Variants in SPTB observed in about 807,000 individuals in gnomAD.
SPTB encodes the protein spectrin beta, erythrocytic, also known as spectrin beta chain, erythrocytic.
A neutral mutation model predicts 256.2 loss-of-function variants in SPTB; 45 were observed. The ratio of observed to expected loss-of-function variants is 0.18; its 90% CI spans 0.14 to 0.23. SPTB has a LOEUF of 0.23. Among genes scored for constraint, SPTB ranks in the 10% least tolerant of loss-of-function variants. The pLI, the probability that SPTB is intolerant of heterozygous loss-of-function variation, is 1.00. For missense variants in SPTB, 2,715 were observed against 3,040.4 expected (o/e 0.89, Z 2.52); for synonymous variants, 1,231 against 1,243.1 (o/e 0.99, Z 0.21).
rs542152652 is a variant in SPTB, at chr14:64,772,466, G to A, written c.5553+114C>T. On this transcript the variant is annotated intron_variant, in intron 26 of 35. Transcript: ENST00000644917. The surrounding 1 kb of genome is among the most constrained non-coding windows in gnomAD (Gnocchi z 5.4). Reference sequence around the variant, plus strand: ...CCCTGAGCTCCTGGCTGTCTAAGGAGGCAAAACCTCCTGGCACTTATCCTA... The same window carrying A: ...CCCTGAGCTCCTGGCTGTCTAAGGAAGCAAAACCTCCTGGCACTTATCCTA... 10 of 1,446,606 alleles carry A rather than the reference G, an allele frequency of 6.9e-6. No homozygotes were observed. The South Asian group carries it at 1.0e-4, about 15-fold the overall frequency. The allele number at this position is 1,446,606 out of a possible 1,614,324, so 89.6% of individuals were successfully genotyped here.
chr14:64,879,476 C>T (rs1034794574), intron 1 of SPTB, among the ~76,000 whole-genome samples: 1 of 152,226 alleles, frequency 6.6e-6, no homozygotes, highest in African/African-American at 2.4e-5. Flanking sequence ...AACACGCACC[C>T]CCGTCACCCT....
intron 1 of SPTB, among the ~76,000 whole-genome samples, chr14:64,876,635 T>C (rs1426274417): frequency 6.6e-6 from 1 of 152,204 alleles, no homozygotes; most frequent in African/African-American, 2.4e-5. Context: ...TGTATAACTA[T>C]TGTTTTAAAA....
In SPTB at chr14:64,845,089, A is replaced by C. The variant is rs2083668178; in HGVS notation, c.-51-21944T>G. On this transcript the variant is annotated intron_variant, in intron 1 of 35. Transcript: ENST00000644917. This position sits in a 1 kb window ranked among gnomAD's most constrained non-coding sequence, Gnocchi z 4.8. The stretch of plus-strand genomic sequence containing the variant: ...GAAAGATCCAAAGTAATCCATAACC[A>C]AACCAGGCTAGACCGGCTATACAGA... 6.6e-6 allele frequency among the ~76,000 whole-genome samples: 1 copy of C among 152,226 alleles called. No individual in the cohort carries two copies. The highest frequency in any genetic ancestry group is 2.4e-5 in the African/African-American group (1 of 41,454).
Position 64,779,197 on chromosome 14 carries a change from G to C in SPTB, c.4523C>G (p.Thr1508Ser). The change falls in exon 22 of 36, where the codon ACT becomes AGT. Residue 1508 changes from threonine to serine, a missense_variant. This residue lies in a region of SPTB where 2,239 missense variants were observed against 2,384.4 expected (regional missense o/e 0.94). Transcript: ENST00000644917. The surrounding 1 kb of genome is among the most constrained non-coding windows in gnomAD (Gnocchi z 4.2). ...LPLAQSADYG[T>S]NLQTVQLFMK... is the part of the protein sequence containing the mutation. ...GAACAGTTGCACAGTTTGCAGATTAGTGCCATAGTCGGCTGACTGGGCCAG... is the reference window on the plus strand; with the variant it reads ...GAACAGTTGCACAGTTTGCAGATTACTGCCATAGTCGGCTGACTGGGCCAG... 1 of 1,614,072 alleles carries C rather than the reference G, an allele frequency of 6.2e-7. No individual in the cohort carries two copies. Among genetic ancestry groups the C allele is most frequent in the Non-Finnish European group, 8.5e-7 (1 of 1,179,988 alleles).
Position 64,823,554 on chromosome 14 carries a change from T to C in SPTB, c.-51-409A>G, listed in dbSNP as rs1263740656. On this transcript the variant is annotated intron_variant, in intron 1 of 35. Coordinates refer to ENST00000644917, the MANE Select transcript of SPTB (RefSeq NM_001355436.2). This position sits in a 1 kb window ranked among gnomAD's most constrained non-coding sequence, Gnocchi z 6.5. ...TCACCCTGAGGACTAGGCCAGGACCTAACCTGGTGGGGGAGATGGGGACAG... is the reference window on the plus strand; with the variant it reads ...TCACCCTGAGGACTAGGCCAGGACCCAACCTGGTGGGGGAGATGGGGACAG... Among the ~76,000 whole-genome samples, 1 of 152,066 alleles carries C rather than the reference T, an allele frequency of 6.6e-6. No homozygotes were observed. Among genetic ancestry groups the C allele is most frequent in the African/African-American group, 2.4e-5 (1 of 41,414 alleles).
chr14:64,771,032 G>A lies in SPTB; in HGVS notation c.5651C>T (p.Ala1884Val), dbSNP rs148337824. 2,971 of 1,614,154 alleles carry A rather than the reference G, an allele frequency of 1.8e-3. 6 individuals are homozygous for A. The highest frequency in any genetic ancestry group is 2.8e-3 in the South Asian group (251 of 91,090). The change falls in exon 27 of 36, where the codon GCG (alanine) becomes GTG (valine). Residue 1884 changes from alanine to valine, a missense_variant. By Grantham distance (64) the Ala-to-Val change is moderately conservative. Around this residue, in one of 4 missense-constraint regions of SPTB, gnomAD observed 2,239 missense variants for 2,384.4 expected, o/e 0.94. Transcript: ENST00000644917. ...IQNKEQEVSA[A>V]WQALLDACAG... ...ACAGGCATCGAGCAGCGCCTGCCAC[G>A]CGGCAGACACCTCCTGCTCCTTGTT...
At chr14:64,814,640 C>T (rs897601726) in intron 2 of SPTB, among the ~76,000 whole-genome samples, 6 of 152,114 alleles carry the variant, frequency 3.9e-5, no homozygotes, top group South Asian at 4.1e-4. Flanking sequence ...CTCAGCCTCC[C>T]GAGTAGCTGG....
At chr14:64,837,878 C>A (rs939491435) in intron 1 of SPTB, among the ~76,000 whole-genome samples, 1 of 152,198 alleles carries the variant, frequency 6.6e-6, no homozygotes, top group Non-Finnish European at 1.5e-5. Context: ...TCCCAAAGTG[C>A]TGGGATTACA....
chr14:64,766,842 C>T, intron 31 of SPTB, 41 bp from the exon 32 acceptor site: 2 of 1,605,070 alleles, frequency 1.2e-6, no homozygotes, highest in Non-Finnish European at 1.7e-6. Context: ...AAGCACCCCT[C>T]TGAGGCCAGT....
At chr14:64,801,527 G>A in intron 6 of SPTB, 127 bp from the exon 7 acceptor site, 1 of 825,496 alleles carries the variant, frequency 1.2e-6, no homozygotes, top group Non-Finnish European at 2.1e-6. Flanking sequence ...GAAAGGAGGA[G>A]ATGGGAGCAG....
At chr14:64,813,574 T>C (rs553888237) in intron 2 of SPTB, among the ~76,000 whole-genome samples, 40 of 152,300 alleles carry the variant, frequency 2.6e-4, no homozygotes, top group African/African-American at 8.9e-4. Flanking sequence ...CAGACCGGAG[T>C]GCAGTGGTGC....
In SPTB at chr14:64,779,319, G is replaced by T; in HGVS notation, c.4474-73C>A. The T allele has an allele frequency of 1.5e-6, 2 of 1,298,450 alleles. No individual in the cohort carries two copies. The highest frequency in any genetic ancestry group is 1.2e-5 in the South Asian group (1 of 80,092). The allele number at this position is 1,298,450 out of a possible 1,614,324, so 80.4% of individuals were successfully genotyped here. On this transcript the variant is annotated intron_variant, in intron 21 of 35. Transcript: ENST00000644917. The surrounding 1 kb of genome is among the most constrained non-coding windows in gnomAD (Gnocchi z 4.2). Reference sequence around the variant, plus strand: ...CCTTTCCTGAGTGCTCACCATGGGCGGCGCAGAGCTTTGCTGGCAGTGTCT... The same window carrying T: ...CCTTTCCTGAGTGCTCACCATGGGCTGCGCAGAGCTTTGCTGGCAGTGTCT...
At chr14:64,868,589 G>A (rs1882334601) in intron 1 of SPTB, among the ~76,000 whole-genome samples, 1 of 152,140 alleles carries the variant, frequency 6.6e-6, no homozygotes, top group African/African-American at 2.4e-5. Context: ...ACAAGTAAAA[G>A]CTGGCAGAGA....
At chr14:64,822,799 C>G (rs1424492033) in intron 2 of SPTB, 148 bp downstream of exon 2, 1 of 1,254,712 alleles carries the variant, frequency 8.0e-7, no homozygotes, top group African/African-American at 1.5e-5. Flanking sequence ...CAAGGGGACC[C>G]CCACCTCCCT....
rs575245215 is a variant in SPTB, at chr14:64,801,424, A to T, written c.648-24T>A. ...GCCTGGGGACAAAACTGGACTGTGA[A>T]AAGGGAGTAGCCACAGCATCCCCAC... On this transcript the variant is annotated intron_variant, in intron 6 of 35. Coordinates refer to ENST00000644917, the MANE Select transcript of SPTB (RefSeq NM_001355436.2). 5.1e-6 allele frequency: 8 copies of T among 1,568,538 alleles called. No homozygotes were observed. In the South Asian group the frequency reaches 8.9e-5, roughly 17 times the overall value.
At chr14:64,763,348 G>C (rs962056944) in intron 32 of SPTB, among the ~76,000 whole-genome samples, 2 of 152,256 alleles carry the variant, frequency 1.3e-5, no homozygotes, top group African/African-American at 4.8e-5. Flanking sequence ...TACCGTAGCA[G>C]AGGTGCAGCC....
In SPTB at chr14:64,791,852, C is replaced by G; in HGVS notation, c.2671G>C (p.Asp891His). Reference sequence around the variant, plus strand: ...GTCTTCATCTCCTGGTCCAGGATGTCGAACCTGATATGGGCAAAGGAAAAT... The same window carrying G: ...GTCTTCATCTCCTGGTCCAGGATGTGGAACCTGATATGGGCAAAGGAAAAT... ...EDLEVVQHRF[D>H]ILDQEMKTLM... Residue 891 changes from aspartate (D) to histidine (H), a missense_variant, in exon 15 of 36, where the codon GAC becomes CAC. Physicochemically the swap from Asp to His is moderately conservative, Grantham distance 81. This residue lies in a region of SPTB where 2,239 missense variants were observed against 2,384.4 expected (regional missense o/e 0.94). Transcript: ENST00000644917. 4.3e-6 allele frequency: 7 copies of G among 1,614,138 alleles called. No individual in the cohort carries two copies. Among genetic ancestry groups the G allele is most frequent in the Non-Finnish European group, 5.9e-6 (7 of 1,180,020 alleles).
rs779720812 is a variant in SPTB, at chr14:64,799,828, C to T, written c.983G>A (p.Arg328His). ...IEQTITVLNS[R>H]KFANSLTGVQ... Reference sequence around the variant, plus strand: ...GCCCGTCAGCGAGTTGGCAAACTTGCGGCTGTTCAGGACAGTGATGGTCTG... The same window carrying T: ...GCCCGTCAGCGAGTTGGCAAACTTGTGGCTGTTCAGGACAGTGATGGTCTG... Residue 328 changes from arginine (R) to histidine (H), a missense_variant, in exon 9 of 36, where the codon CGC (arginine) becomes CAC (histidine). This residue lies in a region of SPTB where 416 missense variants were observed against 571.1 expected (regional missense o/e 0.73). Coordinates refer to ENST00000644917, the MANE Select transcript of SPTB (RefSeq NM_001355436.2). 1.2e-5 allele frequency: 19 copies of T among 1,614,106 alleles called. No individual in the cohort carries two copies. Among genetic ancestry groups the T allele is most frequent in the East Asian group, 2.2e-5 (1 of 44,896 alleles).
rs1361686519 is a variant in SPTB, at chr14:64,764,221, G to C, written c.6345+2505C>G. On this transcript the variant is annotated intron_variant, in intron 32 of 35. Coordinates refer to ENST00000644917, the MANE Select transcript of SPTB (RefSeq NM_001355436.2). This position sits in a 1 kb window ranked among gnomAD's most constrained non-coding sequence, Gnocchi z 4.2. ...AGTTCCAGGCAGGCTGGAAGGACCA[G>C]CCACTGGGCTTGCAAGGAGCCTTCT... is the stretch of plus-strand genomic sequence containing the variant. Among the ~76,000 whole-genome samples the C allele has an allele frequency of 6.6e-6, 1 of 152,178 alleles. No homozygotes were observed. The highest frequency in any genetic ancestry group is 1.5e-5 in the Non-Finnish European group (1 of 68,042).
Sources: allele counts gnomAD v4.1 joint callset (sites outside exome capture counted in the v4.1 genomes callset), GRCh38; gene constraint gnomAD v4.1.1; regional missense constraint gnomAD v4.1.1; non-coding constraint Gnocchi (gnomAD v3.1); transcripts MANE v1.5; gene names NCBI Gene and HGNC (gene_info 2026-07-23, HGNC 2026-07-21).